Variants in CACNG5 observed in about 807,000 individuals in gnomAD.
The protein encoded by CACNG5 is voltage-dependent calcium channel gamma-5 subunit.
Under a neutral mutation model 24.8 loss-of-function variants are expected in CACNG5, and 18 were observed. The ratio of observed to expected loss-of-function variants is 0.73; its 90% CI spans 0.50 to 1.08. The LOEUF is 1.08. Ranked by LOEUF, CACNG5 falls within the 50% of genes least tolerant of loss-of-function variation. CACNG5 has a pLI of 0.00. For synonymous variants in CACNG5, 157 were observed against 149.1 expected, an observed-to-expected ratio of 1.05 and a Z score of -0.39; for missense variants, 349 against 367.9, an observed-to-expected ratio of 0.95 and a Z score of 0.42.
At chr17:66,836,033 A>T (rs1038527942) in intron 1 of CACNG5, among the ~76,000 whole-genome samples, 1 of 152,204 alleles carries the variant, frequency 6.6e-6, no homozygotes, top group Non-Finnish European at 1.5e-5. Context: ...TAGGACTGAA[A>T]ATGATTTGAG....
At chr17:66,853,817 T>C (rs1165938653) in intron 1 of CACNG5, among the ~76,000 whole-genome samples, 4 of 152,204 alleles carry the variant, frequency 2.6e-5, no homozygotes, top group Non-Finnish European at 5.9e-5. Context: ...TGATAAGCTG[T>C]ATTTTCAACA....
At chr17:66,846,021 G>T (rs1461022984) in intron 1 of CACNG5, among the ~76,000 whole-genome samples, 2 of 152,150 alleles carry the variant, frequency 1.3e-5, no homozygotes, top group African/African-American at 4.8e-5. Context: ...TCTAACATGA[G>T]GGGTAGCTGA....
intron 1 of CACNG5, among the ~76,000 whole-genome samples, chr17:66,841,459 C>T (rs12603665): frequency 0.48 from 72,705 of 152,002 alleles, 18,298 homozygotes; most frequent in East Asian, 0.88. Context: ...CATCCTCAAA[C>T]GCCCACTGCT....
Position 66,883,882 on chromosome 17 carries a change from C to T in CACNG5, c.425-634C>T, listed in dbSNP as rs574724320. On this transcript the variant is annotated intron_variant, in intron 4 of 5. Coordinates refer to ENST00000533854, the MANE Select transcript of CACNG5 (RefSeq NM_145811.3). ...GGCGCAGTGGCTCACACCTGTAATC[C>T]CAGCACTTTGGGAGGCCGAGGCTGG... Among the ~76,000 whole-genome samples the T allele has an allele frequency of 2.6e-5, 4 of 152,286 alleles. No homozygotes were observed. The South Asian group carries it at 8.3e-4, about 32-fold the overall frequency.
chr17:66,847,243 G>C (rs1976648999), intron 1 of CACNG5, among the ~76,000 whole-genome samples: 1 of 152,204 alleles, frequency 6.6e-6, no homozygotes, highest in Non-Finnish European at 1.5e-5. Flanking sequence ...TTGCCCTCTA[G>C]AGGCCCCACT....
At chr17:66,880,409 C>T (rs1977139761) in intron 3 of CACNG5, 148 bp from the exon 4 acceptor site, 1 of 887,282 alleles carries the variant, frequency 1.1e-6, no homozygotes, top group South Asian at 1.8e-5. Context: ...CCCCAGGCCA[C>T]CTGATGGGGG....
chr17:66,883,049 C>T (rs748869129), intron 4 of CACNG5, among the ~76,000 whole-genome samples: 4 of 152,156 alleles, frequency 2.6e-5, no homozygotes, highest in South Asian at 2.1e-4. Context: ...CTACCACCAA[C>T]CCATCATCCA....
rs1418222286 is a variant in CACNG5 at position 66,890,724 on chromosome 17, C to T, written c.*5484C>T. Among the ~76,000 whole-genome samples, 4 of 152,226 alleles carry T rather than the reference C, an allele frequency of 2.6e-5. No homozygotes were observed. Among genetic ancestry groups the T allele is most frequent in the Non-Finnish European group, 4.4e-5 (3 of 68,034 alleles). ...CCCTCTGTGTGTTACCAGCAGCCCT[C>T]GGAACTTCTGTCTTTTCATTCCTGT... On this transcript the variant is annotated 3_prime_UTR_variant, in exon 6 of 6. Coordinates refer to ENST00000533854, the MANE Select transcript of CACNG5 (RefSeq NM_145811.3).
chr17:66,850,516 GTA>G (rs201431098), intron 1 of CACNG5, among the ~76,000 whole-genome samples: 26 of 150,346 alleles, frequency 1.7e-4, no homozygotes, highest in African/African-American at 6.4e-4. Context: ...CTGGTTTAAA[GTA>G]TATTTTTTTT....
At position 66,873,573 on chromosome 17, in the gene CACNG5, G is replaced by C. The variant is rs528925930; in HGVS notation, c.-103-3657G>C. On this transcript the variant is annotated intron_variant, in intron 1 of 5. Coordinates refer to ENST00000533854, the MANE Select transcript of CACNG5 (RefSeq NM_145811.3). ...CAGCTTCGACCAGGCAACAGCAGTC[G>C]TGCTTCAGAAGCTCTGATCCATTCT... Among the ~76,000 whole-genome samples, 3 of 152,250 alleles carry C rather than the reference G, an allele frequency of 2.0e-5. No individual in the cohort carries two copies. The South Asian group carries it at 6.2e-4, about 32-fold the overall frequency.
In CACNG5 at chr17:66,890,030, C is replaced by T. The variant is rs897104500; in HGVS notation, c.*4790C>T. The stretch of plus-strand genomic sequence containing the variant: ...GATTTTGGGTATGAGGGCCAATTGG[C>T]AGCTCTCCAAGTCTTGACTTTCTCC... On this transcript the variant is annotated 3_prime_UTR_variant, in exon 6 of 6. Transcript: ENST00000533854. Among the ~76,000 whole-genome samples the T allele has an allele frequency of 3.9e-4, 60 of 152,350 alleles. No homozygotes were observed. The highest frequency in any genetic ancestry group is 1.3e-3 in the African/African-American group (56 of 41,574).
intron 1 of CACNG5, among the ~76,000 whole-genome samples, chr17:66,870,960 G>A (rs932461454): frequency 2.7e-5 from 4 of 150,414 alleles, no homozygotes; most frequent in Non-Finnish European, 5.9e-5. Flanking sequence ...CAGCCTGGAT[G>A]ACAGGGTGAA....
chr17:66,867,007 A>G (rs139498022), intron 1 of CACNG5, among the ~76,000 whole-genome samples: 15 of 152,286 alleles, frequency 9.8e-5, no homozygotes, highest in Non-Finnish European at 2.1e-4. Flanking sequence ...CTTGGGTCAA[A>G]TGGTATTTCT....
At chr17:66,867,386 G>A (rs1389464524) in intron 1 of CACNG5, among the ~76,000 whole-genome samples, 1 of 152,052 alleles carries the variant, frequency 6.6e-6, no homozygotes, top group African/African-American at 2.4e-5. Flanking sequence ...TGTTAGATGA[G>A]TAGATTGTAA....
chr17:66,858,027 G>A (rs1046698868), intron 1 of CACNG5, among the ~76,000 whole-genome samples: 7 of 152,176 alleles, frequency 4.6e-5, no homozygotes, highest in African/African-American at 1.4e-4. Context: ...TCCTGGGAGA[G>A]GTCATGGGCA....
At chr17:66,853,613 A>G (rs895145833) in intron 1 of CACNG5, among the ~76,000 whole-genome samples, 10 of 152,244 alleles carry the variant, frequency 6.6e-5, no homozygotes, top group Non-Finnish European at 1.3e-4. Context: ...TTAAGAGTAT[A>G]TATGTAAGAC....
chr17:66,847,299 T>TTAG (rs1324356909), intron 1 of CACNG5, among the ~76,000 whole-genome samples: 1 of 152,230 alleles, frequency 6.6e-6, no homozygotes, highest in Non-Finnish European at 1.5e-5. Context: ...AGCTTCTGTA[T>TTAG]TAGTCCCTTT....
intron 1 of CACNG5, among the ~76,000 whole-genome samples, chr17:66,839,092 G>T (rs1278590553): frequency 6.6e-6 from 1 of 151,478 alleles, no homozygotes; most frequent in East Asian, 2.0e-4. Context: ...CTCCTGAGTA[G>T]CTGGGATCAC....
chr17:66,860,504 AG>A (rs1470284896), intron 1 of CACNG5, among the ~76,000 whole-genome samples: 1 of 150,358 alleles, frequency 6.7e-6, no homozygotes, highest in Non-Finnish European at 1.5e-5. Flanking sequence ...AAGTGCTGGA[AG>A]AAAAAAAAAA....
Sources: gnomAD v4.1 joint callset for allele counts (sites outside exome capture counted in the v4.1 genomes callset) on GRCh38, gnomAD v4.1.1 for gene constraint, MANE v1.5 for transcripts, NCBI Gene and HGNC (gene_info 2026-07-23, HGNC 2026-07-21) for gene names.